GPC5: variants seen among roughly 807,000 people sequenced by gnomAD.
GPC5 encodes the protein glypican-5.
Under a neutral mutation model 53.9 loss-of-function variants are expected in GPC5, and 47 were observed. The ratio of observed to expected loss-of-function variants is 0.87; its 90% CI spans 0.69 to 1.11. The LOEUF is 1.11. GPC5 is among the 50% of genes most tolerant of loss of function. GPC5 has a pLI of 0.00. For synonymous variants in GPC5, 286 were observed against 263.3 expected (o/e 1.09, Z -0.84); for missense variants, 748 against 713.1 (o/e 1.05, Z -0.56).
chr13:92,432,272 T>A (rs1338890673), intron 7 of GPC5, among the ~76,000 whole-genome samples: 1 of 152,194 alleles, frequency 6.6e-6, no homozygotes, highest in Non-Finnish European at 1.5e-5. Context: ...AATAAAGCTC[T>A]TTTGTTGAAA....
intron 7 of GPC5, among the ~76,000 whole-genome samples, chr13:92,514,493 AG>A (rs2138957801): frequency 6.6e-6 from 1 of 152,278 alleles, no homozygotes; most frequent in Non-Finnish European, 1.5e-5. Flanking sequence ...CTTTGGCCCA[AG>A]GCATTGTTGT....
intron 5 of GPC5, among the ~76,000 whole-genome samples, chr13:91,850,091 T>A (rs554538593): frequency 5.9e-4 from 90 of 152,310 alleles, no homozygotes; most frequent in African/African-American, 1.9e-3. Context: ...TTCAGATCAA[T>A]AATTGTTTGA....
At chr13:92,833,663 T>C (rs114844395) in intron 7 of GPC5, among the ~76,000 whole-genome samples, 1 of 152,166 alleles carries the variant, frequency 6.6e-6, no homozygotes, top group African/African-American at 2.4e-5. Flanking sequence ...TGTATTTTAT[T>C]GTAATACTTA....
At chr13:91,842,983 T>C (rs2138875415) in intron 5 of GPC5, among the ~76,000 whole-genome samples, 1 of 152,290 alleles carries the variant, frequency 6.6e-6, no homozygotes, top group African/African-American at 2.4e-5. Flanking sequence ...TAATTGGCAA[T>C]ATTTCAATGA....
chr13:92,311,795 G>A (rs934191666), intron 7 of GPC5, among the ~76,000 whole-genome samples: 8 of 152,142 alleles, frequency 5.3e-5, no homozygotes, highest in Non-Finnish European at 1.0e-4. Context: ...TATTCAAGAT[G>A]AGATTTGGGT....
intron 5 of GPC5, among the ~76,000 whole-genome samples, chr13:91,814,947 C>G (rs1180127309): frequency 1.3e-5 from 2 of 152,192 alleles, no homozygotes; most frequent in Non-Finnish European, 2.9e-5. Flanking sequence ...ATAGACATAA[C>G]TTGCATTCCA....
chr13:92,669,713 C>T (rs956363020), intron 7 of GPC5, among the ~76,000 whole-genome samples: 2 of 152,116 alleles, frequency 1.3e-5, no homozygotes, highest in African/African-American at 4.8e-5. Flanking sequence ...ACAAAGTCTT[C>T]CTGCCTCATG....
At chr13:92,674,468 G>A (rs1240229101) in intron 7 of GPC5, among the ~76,000 whole-genome samples, 1 of 151,914 alleles carries the variant, frequency 6.6e-6, no homozygotes, top group Non-Finnish European at 1.5e-5. Context: ...ATCGAGATAG[G>A]ACAAAGACCA....
At position 92,866,288 on chromosome 13, in the gene GPC5, CA is replaced by C; in HGVS notation, c.1569del (p.Asp524MetfsTer3). 2 of 1,608,974 alleles carry C rather than the reference CA, an allele frequency of 1.2e-6. No individual in the cohort carries two copies. The highest frequency in any genetic ancestry group is 1.7e-6 in the Non-Finnish European group (2 of 1,176,898). ...TTCTTATTTGCCTCTACAGGGATGC[CA>C]GATGATATGAACTTCAGTGATGTAA... The part of the protein sequence containing the change: ...KRTLKITDWM[P>X]DDMNFSDVKQ... On this transcript the variant is annotated frameshift_variant, in exon 8 of 8. Coordinates refer to ENST00000377067, the MANE Select transcript of GPC5 (RefSeq NM_004466.6). LOFTEE classifies it low-confidence loss of function (END_TRUNC).
At chr13:92,754,837 A>T (rs9561140) in intron 7 of GPC5, among the ~76,000 whole-genome samples, 34,453 of 128,392 alleles carry the variant, frequency 0.27, 5,381 homozygotes, top group East Asian at 0.68. Context: ...AAGCAAGTCC[A>T]GAGTGACCTA....
At chr13:91,923,908 A>G (rs1319620021) in intron 6 of GPC5, among the ~76,000 whole-genome samples, 1 of 152,262 alleles carries the variant, frequency 6.6e-6, no homozygotes, top group East Asian at 1.9e-4. Context: ...TTCATAAGAC[A>G]TATATAACAA....
At chr13:92,802,903 A>G (rs1876960524) in intron 7 of GPC5, among the ~76,000 whole-genome samples, 1 of 151,984 alleles carries the variant, frequency 6.6e-6, no homozygotes, top group Non-Finnish European at 1.5e-5. Context: ...AACTGACAAA[A>G]TGAATGCAGT....
intron 7 of GPC5, among the ~76,000 whole-genome samples, chr13:92,294,143 C>T (rs769332524): frequency 1.3e-4 from 20 of 152,034 alleles, no homozygotes; most frequent in Non-Finnish European, 2.5e-4. Context: ...GGATATCAGT[C>T]TGTAGTTTTC....
At chr13:91,399,286 A>G (rs1876736913) in intron 1 of GPC5, 77 bp downstream of exon 1, 2 of 1,503,760 alleles carry the variant, frequency 1.3e-6, no homozygotes, top group Non-Finnish European at 1.8e-6. Flanking sequence ...CCTTGGTGGC[A>G]CTCGTGGGAA....
intron 5 of GPC5, among the ~76,000 whole-genome samples, chr13:91,776,085 T>C (rs1455355306): frequency 1.3e-5 from 2 of 152,178 alleles, no homozygotes; most frequent in East Asian, 1.9e-4. Flanking sequence ...CAGAAAGTTT[T>C]TGGATGTCTG....
intron 7 of GPC5, among the ~76,000 whole-genome samples, chr13:92,510,246 C>CT: frequency 6.6e-6 from 1 of 151,656 alleles, no homozygotes; most frequent in Non-Finnish European, 1.5e-5. Flanking sequence ...TATGTTTATT[C>CT]TTAGAGATAA....
At chr13:91,960,667 G>C (rs1007736415) in intron 6 of GPC5, among the ~76,000 whole-genome samples, 1 of 151,866 alleles carries the variant, frequency 6.6e-6, no homozygotes, top group African/African-American at 2.4e-5. Context: ...TATATTACAA[G>C]GCTATAGTAA....
chr13:91,731,154 A>T (rs1048840300), intron 4 of GPC5, among the ~76,000 whole-genome samples: 1 of 152,234 alleles, frequency 6.6e-6, no homozygotes, highest in African/African-American at 2.4e-5. Flanking sequence ...GTAAGGAGGT[A>T]AAAGAATTTG....
intron 6 of GPC5, among the ~76,000 whole-genome samples, chr13:92,036,992 A>C (rs1034431000): frequency 2.0e-5 from 3 of 152,142 alleles, no homozygotes; most frequent in Admixed American, 2.0e-4. Flanking sequence ...TCAGTTTTTC[A>C]AGGAGCAGTC....
Sources: gnomAD v4.1 joint callset for allele counts (sites outside exome capture counted in the v4.1 genomes callset) on GRCh38, gnomAD v4.1.1 for gene constraint, MANE v1.5 for transcripts, NCBI Gene and HGNC (gene_info 2026-07-23, HGNC 2026-07-21) for gene names.